The following PDZD2 variants were observed in gnomAD, a reference collection of about 807,000 sequenced individuals.
The protein encoded by PDZD2 is PDZ domain containing 2.
A neutral mutation model predicts 220.7 loss-of-function variants in PDZD2; 90 were observed. That is an observed-to-expected ratio of 0.41 (90% CI 0.34 to 0.49). The LOEUF is 0.49. Ranked by LOEUF, PDZD2 falls within the 20% of genes least tolerant of loss-of-function variation. The pLI is 0.28. For synonymous variants in PDZD2, 1,375 were observed against 1,450.5 expected (o/e 0.95, Z 1.18); for missense variants, 3,174 against 3,608.5 (o/e 0.88, Z 3.08).
chr5:31,804,117 G>A (rs1404880217), intron 2 of PDZD2, among the ~76,000 whole-genome samples: 1 of 152,104 alleles, frequency 6.6e-6, no homozygotes, highest in Non-Finnish European at 1.5e-5. Context: ...TTTCACAGCT[G>A]AGGAAGTAAA....
At chr5:31,793,890 G>A (rs544336088) in intron 1 of PDZD2, among the ~76,000 whole-genome samples, 3 of 152,284 alleles carry the variant, frequency 2.0e-5, no homozygotes, top group East Asian at 3.9e-4. Flanking sequence ...TTGTCTCTTC[G>A]TGCTAACTCA....
intron 6 of PDZD2, among the ~76,000 whole-genome samples, chr5:32,012,773 A>G (rs982848962): frequency 7.9e-5 from 12 of 152,130 alleles, no homozygotes; most frequent in Admixed American, 5.9e-4. Context: ...ATACTAGTAT[A>G]TGAAGCTCTA....
chr5:31,766,180 A>AAAAC (rs199857536), intron 1 of PDZD2, among the ~76,000 whole-genome samples: 2 of 152,150 alleles, frequency 1.3e-5, no homozygotes, highest in African/African-American at 4.8e-5. Context: ...ACCCTGTCTC[A>AAAAC]AAACAAACAA....
intron 2 of PDZD2, among the ~76,000 whole-genome samples, chr5:31,814,621 G>A (rs755770274): frequency 1.3e-5 from 2 of 152,030 alleles, no homozygotes; most frequent in Non-Finnish European, 2.9e-5. Context: ...TCAGGAGTTC[G>A]AGACCAGCCA....
chr5:31,790,946 CG>C (rs1356776794), intron 1 of PDZD2, among the ~76,000 whole-genome samples: 7 of 151,986 alleles, frequency 4.6e-5, no homozygotes, highest in Non-Finnish European at 7.4e-5. Context: ...GATCCGCCCG[CG>C]TCGGCCTCCC....
At chr5:32,012,381 A>C (rs1014249787) in intron 6 of PDZD2, among the ~76,000 whole-genome samples, 3 of 152,044 alleles carry the variant, frequency 2.0e-5, no homozygotes, top group African/African-American at 7.2e-5. Context: ...TTTTTAAAAA[A>C]TTATTTTTTT....
intron 1 of PDZD2, among the ~76,000 whole-genome samples, chr5:31,757,638 GTGGCTAATTGGCTGAGGTGACGC>G (rs998718258): frequency 5.3e-5 from 8 of 152,164 alleles, no homozygotes; most frequent in African/African-American, 1.9e-4. Flanking sequence ...AGTGGCTAGT[GTGGCTAATTGGCTGAGGTGACGC>G]TGGCTAATTG....
intron 15 of PDZD2, among the ~76,000 whole-genome samples, chr5:32,070,981 T>G (rs1265819301): frequency 6.6e-6 from 1 of 152,164 alleles, no homozygotes; most frequent in Non-Finnish European, 1.5e-5. Context: ...TGAAAATAAA[T>G]ATCCAGCTCC....
intron 2 of PDZD2, among the ~76,000 whole-genome samples, chr5:31,904,691 C>G (rs966249566): frequency 6.6e-6 from 1 of 152,010 alleles, no homozygotes; most frequent in Non-Finnish European, 1.5e-5. Context: ...CCACACCCAG[C>G]TAATTTTTTT....
chr5:31,791,590 C>CAAAA (rs1157216997), intron 1 of PDZD2, among the ~76,000 whole-genome samples: 4,361 of 50,384 alleles, frequency 0.087, 144 homozygotes, highest in Non-Finnish European at 0.11. Context: ...AACTCCGTCT[C>CAAAA]AAAAAAAAAA....
intron 1 of PDZD2, among the ~76,000 whole-genome samples, chr5:31,711,411 G>A (rs1300600359): frequency 6.6e-6 from 1 of 152,228 alleles, no homozygotes; most frequent in Non-Finnish European, 1.5e-5. Flanking sequence ...GAGCTTTTCA[G>A]TGAACTCCTG....
At chr5:32,003,138 ACACACAC>A (rs1358118278) in intron 5 of PDZD2, among the ~76,000 whole-genome samples, 1 of 13,982 alleles carries the variant, frequency 7.2e-5, no homozygotes, top group African/African-American at 8.7e-5. Context: ...CACACACCAC[ACACACAC>A]CACACACCAC....
chr5:32,024,012 C>A (rs1371485631), intron 6 of PDZD2, among the ~76,000 whole-genome samples: 1 of 152,372 alleles, frequency 6.6e-6, no homozygotes, highest in South Asian at 2.1e-4. Flanking sequence ...TTAGTCACTA[C>A]GTAGCCAGCT....
intron 1 of PDZD2, among the ~76,000 whole-genome samples, chr5:31,703,575 G>A (rs1468298201): frequency 6.6e-6 from 1 of 152,134 alleles, no homozygotes; most frequent in East Asian, 1.9e-4. Flanking sequence ...CAAACCCATG[G>A]CACATGCATG....
At chr5:31,752,089 T>TTTTTTTTTTTTTTTTTTG (rs1169621744) in intron 1 of PDZD2, among the ~76,000 whole-genome samples, 8 of 141,098 alleles carry the variant, frequency 5.7e-5, no homozygotes, top group East Asian at 2.0e-4. Flanking sequence ...TTTTTTTTTT[T>TTTTTTTTTTTTTTTTTTG]TCTGAGACAA....
intron 24 of PDZD2, among the ~76,000 whole-genome samples, chr5:32,104,408 T>A (rs1316317124): frequency 6.6e-6 from 1 of 151,224 alleles, no homozygotes; most frequent in Non-Finnish European, 1.5e-5. Context: ...CAGGCTGGAG[T>A]GCAGTGTCAC....
At chr5:32,031,235 C>T (rs567454068) in intron 6 of PDZD2, among the ~76,000 whole-genome samples, 2 of 152,208 alleles carry the variant, frequency 1.3e-5, no homozygotes, top group Non-Finnish European at 2.9e-5. Context: ...CTTTTCCATA[C>T]ATCACTGTGC....
chr5:31,817,196 A>C (rs1371922809), intron 2 of PDZD2, among the ~76,000 whole-genome samples: 1 of 149,770 alleles, frequency 6.7e-6, no homozygotes, highest in East Asian at 2.0e-4. Flanking sequence ...AAAAAAAAAA[A>C]AAAAAAGCAA....
At chr5:31,922,195 G>A (rs773593879) in intron 2 of PDZD2, among the ~76,000 whole-genome samples, 11 of 152,198 alleles carry the variant, frequency 7.2e-5, no homozygotes, top group Non-Finnish European at 1.2e-4. Context: ...GTTTCGGAAA[G>A]CTGTGGTTTT....
Sources: gnomAD v4.1 joint callset for allele counts (sites outside exome capture counted in the v4.1 genomes callset) on GRCh38, gnomAD v4.1.1 for gene constraint, MANE v1.5 for transcripts, NCBI Gene and HGNC (gene_info 2026-07-23, HGNC 2026-07-21) for gene names.